DLGAP1: variants seen among roughly 807,000 people sequenced by gnomAD.
The protein encoded by DLGAP1 is disks large-associated protein 1.
DLGAP1 carries 11 observed loss-of-function variants against 90.8 expected under a neutral mutation model. The observed-to-expected ratio is 0.12, with a 90% CI of 0.08 to 0.20. The LOEUF (loss-of-function observed/expected upper bound fraction) is 0.20. DLGAP1 is among the 10% of genes least tolerant of loss of function. The probability of loss-of-function intolerance (pLI) is 1.00; values close to 1 mark genes in which losing one functional copy is unlikely to be tolerated. For missense variants in DLGAP1, 1,050 were observed against 1,333.8 expected, an observed-to-expected ratio of 0.79 and a Z score of 3.31; for synonymous variants, 558 against 540.7, an observed-to-expected ratio of 1.03 and a Z score of -0.44.
At chr18:3,853,379 G>A (rs1360578728) in intron 4 of DLGAP1, among the ~76,000 whole-genome samples, 2 of 152,088 alleles carry the variant, frequency 1.3e-5, no homozygotes, top group African/African-American at 2.4e-5. Context: ...ATGATTGGAT[G>A]TAAGACAGTA....
At chr18:3,978,273 C>T in intron 3 of DLGAP1, 1 of 403,400 alleles carries the variant, frequency 2.5e-6, no homozygotes, top group South Asian at 2.0e-5. Flanking sequence ...CCTTTTGGTA[C>T]CCCCTGCAAG....
chr18:3,930,861 C>T (rs117918220), intron 3 of DLGAP1, among the ~76,000 whole-genome samples: 359 of 152,300 alleles, frequency 2.4e-3, no homozygotes, highest in Non-Finnish European at 4.1e-3. Flanking sequence ...CTCAAAATAT[C>T]GTGAGGCAGA....
intron 1 of DLGAP1, among the ~76,000 whole-genome samples, chr18:4,357,380 C>A (rs2081544952): frequency 6.6e-6 from 1 of 151,932 alleles, no homozygotes; most frequent in African/African-American, 2.4e-5. Context: ...TCTCTAACTC[C>A]TGACCTCAAA....
chr18:4,354,566 G>A (rs574362264), intron 1 of DLGAP1, among the ~76,000 whole-genome samples: 11 of 152,076 alleles, frequency 7.2e-5, no homozygotes, highest in East Asian at 3.9e-4. Flanking sequence ...CCCATGTCAC[G>A]CAAACCTTTG....
chr18:4,139,584 A>C (rs540809192), intron 2 of DLGAP1, among the ~76,000 whole-genome samples: 2 of 152,114 alleles, frequency 1.3e-5, no homozygotes, highest in Non-Finnish European at 2.9e-5. Flanking sequence ...GAGAATGTTT[A>C]TTCTGCCAGC....
chr18:3,861,381 T>C (rs984791739), intron 4 of DLGAP1, among the ~76,000 whole-genome samples: 4 of 152,218 alleles, frequency 2.6e-5, no homozygotes, highest in Non-Finnish European at 5.9e-5. Context: ...GGAAAAAGCA[T>C]ATAATTTTTT....
chr18:3,584,245 A>G (rs1040517272), intron 7 of DLGAP1, among the ~76,000 whole-genome samples: 20 of 152,170 alleles, frequency 1.3e-4, no homozygotes, highest in Admixed American at 1.3e-3. Flanking sequence ...TTATGCTTCC[A>G]TCATTTCCTC....
intron 3 of DLGAP1, among the ~76,000 whole-genome samples, chr18:3,957,794 T>G (rs1334386363): frequency 6.6e-6 from 1 of 152,204 alleles, no homozygotes; most frequent in African/African-American, 2.4e-5. Context: ...CTCTCTTGCA[T>G]ATTAAATTAT....
intron 7 of DLGAP1, among the ~76,000 whole-genome samples, chr18:3,710,016 T>A (rs1469602829): frequency 6.6e-6 from 1 of 152,176 alleles, no homozygotes; most frequent in Non-Finnish European, 1.5e-5. Context: ...CTACAGCCAA[T>A]GAGAAGCACA....
Position 4,191,265 on chromosome 18 carries a change from A to G in DLGAP1, c.-266-39978T>C, listed in dbSNP as rs764106589. 1.1e-4 allele frequency among the ~76,000 whole-genome samples: 16 copies of G among 152,286 alleles called. 1 individual carries two copies. The highest frequency in any genetic ancestry group is 6.8e-3 in the Middle Eastern group (2 of 294). ...GCATCATGAATTTTTTGATTACTCT[A>G]TAAGTATAAGCATATTTCTAAATGT... is the stretch of plus-strand genomic sequence containing the variant. On this transcript the variant is annotated intron_variant, in intron 1 of 12. Transcript: ENST00000315677.
intron 7 of DLGAP1, among the ~76,000 whole-genome samples, chr18:3,725,725 A>G (rs1164959687): frequency 6.6e-6 from 1 of 152,218 alleles, no homozygotes; most frequent in East Asian, 1.9e-4. Context: ...CCATAGTTAG[A>G]CAAGCCAAGA....
chr18:3,791,766 G>A (rs1842794479), intron 5 of DLGAP1, among the ~76,000 whole-genome samples: 1 of 152,178 alleles, frequency 6.6e-6, no homozygotes, highest in African/African-American at 2.4e-5. Flanking sequence ...AGCAAATGAA[G>A]CTGGGTGTGG....
intron 1 of DLGAP1, among the ~76,000 whole-genome samples, chr18:4,320,754 AC>A (rs2080664940): frequency 1.9e-5 from 2 of 104,260 alleles, no homozygotes; most frequent in Non-Finnish European, 3.8e-5. Context: ...ACACACACAC[AC>A]ACACACACAA....
intron 4 of DLGAP1, among the ~76,000 whole-genome samples, chr18:3,851,840 C>T (rs2069359306): frequency 6.6e-6 from 1 of 151,912 alleles, no homozygotes; most frequent in African/African-American, 2.4e-5. Context: ...AAGAAGATCA[C>T]AAAGCAGAGT....
rs535278117 is a variant in DLGAP1, at chr18:3,517,189, A to G, written c.2480-8528T>C. On this transcript the variant is annotated intron_variant, in intron 10 of 12. Transcript: ENST00000315677. The surrounding 1 kb of genome is among the most constrained non-coding windows in gnomAD (Gnocchi z 4.1). The stretch of plus-strand genomic sequence containing the variant: ...GGCCGTAGGCTTTTCAGAATGGTAA[A>G]TGAGCTTTGGCTTCGACTTCAAGTC... Among the ~76,000 whole-genome samples the G allele has an allele frequency of 7.2e-5, 11 of 152,330 alleles. No homozygotes were observed. In the South Asian group the frequency reaches 2.3e-3, roughly 32 times the overall value.
At chr18:4,400,739 G>A (rs957529555) in intron 1 of DLGAP1, among the ~76,000 whole-genome samples, 2 of 152,068 alleles carry the variant, frequency 1.3e-5, no homozygotes, top group Non-Finnish European at 2.9e-5. Context: ...TCATATCATG[G>A]CTAACTCAAC....
chr18:3,522,909 G>C (rs1287657963), intron 10 of DLGAP1, among the ~76,000 whole-genome samples: 3 of 152,098 alleles, frequency 2.0e-5, no homozygotes, highest in Non-Finnish European at 4.4e-5. Context: ...CTAAGTGTAG[G>C]ACCAGAAACC....
intron 7 of DLGAP1, among the ~76,000 whole-genome samples, chr18:3,679,260 C>T (rs1310122986): frequency 6.9e-6 from 1 of 145,114 alleles, no homozygotes; most frequent in Non-Finnish European, 1.5e-5. Flanking sequence ...GACCTCCATT[C>T]TCTTATAATT....
chr18:4,281,130 G>A (rs1212744332), intron 1 of DLGAP1: 1 of 152,132 alleles, frequency 6.6e-6, no homozygotes, highest in Non-Finnish European at 1.5e-5. Context: ...TACTTGTTGA[G>A]TACTAACATT....
Sources: gnomAD v4.1 joint callset for allele counts (sites outside exome capture counted in the v4.1 genomes callset) on GRCh38, gnomAD v4.1.1 for gene constraint, Gnocchi (gnomAD v3.1) non-coding constraint, MANE v1.5 for transcripts, NCBI Gene and HGNC (gene_info 2026-07-23, HGNC 2026-07-21) for gene names.